The following FAM117B variants were observed in gnomAD, a reference collection of about 807,000 sequenced individuals.
FAM117B encodes the protein family with sequence similarity 117 member B.
Under a neutral mutation model 52.8 loss-of-function variants are expected in FAM117B, and 22 were observed. The ratio of observed to expected loss-of-function variants is 0.42; its 90% CI spans 0.30 to 0.59. The LOEUF (loss-of-function observed/expected upper bound fraction) is 0.59. Among genes scored for constraint, FAM117B ranks in the 20% least tolerant of loss-of-function variants. The pLI, the probability that FAM117B is intolerant of heterozygous loss-of-function variation, is 0.22. For missense variants in FAM117B, 678 were observed against 802.6 expected, an observed-to-expected ratio of 0.84 and a Z score of 1.88; for synonymous variants, 309 against 324.1, an observed-to-expected ratio of 0.95 and a Z score of 0.50.
chr2:202,646,781 G>A (rs1013027983), intron 1 of FAM117B, among the ~76,000 whole-genome samples: 1 of 152,108 alleles, frequency 6.6e-6, no homozygotes, highest in African/African-American at 2.4e-5. Flanking sequence ...AGTGAGTAGT[G>A]AAGTAAAGGA....
At chr2:202,765,193 C>G (rs1691956353) in intron 7 of FAM117B, among the ~76,000 whole-genome samples, 1 of 152,034 alleles carries the variant, frequency 6.6e-6, no homozygotes, top group Non-Finnish European at 1.5e-5. Context: ...ATGGGGCTGT[C>G]AAGGGAACTG....
At chr2:202,711,874 G>A (rs757332066) in intron 2 of FAM117B, among the ~76,000 whole-genome samples, 1 of 151,968 alleles carries the variant, frequency 6.6e-6, no homozygotes, top group Non-Finnish European at 1.5e-5. Context: ...TTTATCTCTG[G>A]ATTCTCTCTT....
chr2:202,660,900 G>A (rs1690118310), intron 1 of FAM117B, among the ~76,000 whole-genome samples: 1 of 152,226 alleles, frequency 6.6e-6, no homozygotes, highest in African/African-American at 2.4e-5. Context: ...ACCAGTACTT[G>A]ACTTGGGCTA....
At chr2:202,645,565 A>G (rs1191738572) in intron 1 of FAM117B, among the ~76,000 whole-genome samples, 1 of 150,616 alleles carries the variant, frequency 6.6e-6, no homozygotes, top group East Asian at 2.0e-4. Flanking sequence ...CTGGGATTAC[A>G]GGCGTGAGTC....
intron 1 of FAM117B, among the ~76,000 whole-genome samples, chr2:202,642,075 T>C (rs1574537462): frequency 6.7e-6 from 1 of 150,290 alleles, no homozygotes; most frequent in South Asian, 2.1e-4. Flanking sequence ...CCTGAGTAGC[T>C]GGACTACAGC....
intron 1 of FAM117B, among the ~76,000 whole-genome samples, chr2:202,661,954 G>A (rs1211027479): frequency 1.3e-5 from 2 of 149,492 alleles, no homozygotes; most frequent in Admixed American, 6.7e-5. Flanking sequence ...ACAATCCCAC[G>A]ATCCCAATAC....
intron 2 of FAM117B, among the ~76,000 whole-genome samples, chr2:202,698,090 C>T (rs1690740644): frequency 1.3e-5 from 2 of 152,236 alleles, no homozygotes; most frequent in South Asian, 2.1e-4. Flanking sequence ...ATGCTTATCT[C>T]GAACTCCTGA....
chr2:202,659,685 G>A (rs1192743839), intron 1 of FAM117B, among the ~76,000 whole-genome samples: 2 of 141,446 alleles, frequency 1.4e-5, no homozygotes, highest in Non-Finnish European at 3.0e-5. Context: ...TGCGATCTTG[G>A]CTCACTGCAA....
chr2:202,641,947 CTT>C (rs758973320), intron 1 of FAM117B, among the ~76,000 whole-genome samples: 49 of 125,312 alleles, frequency 3.9e-4, no homozygotes, highest in Non-Finnish European at 3.8e-4. Flanking sequence ...CAGATATTTT[CTT>C]TTTTTTTTTT....
intron 2 of FAM117B, among the ~76,000 whole-genome samples, chr2:202,724,650 T>C (rs906970662): frequency 6.6e-6 from 1 of 152,194 alleles, no homozygotes; most frequent in Non-Finnish European, 1.5e-5. Context: ...TTAACTTTGT[T>C]CCATAAATGC....
chr2:202,655,281 G>C (rs1169339078), intron 1 of FAM117B, among the ~76,000 whole-genome samples: 1 of 152,106 alleles, frequency 6.6e-6, no homozygotes, highest in Non-Finnish European at 1.5e-5. Context: ...TAGTTGAAGG[G>C]TATTGGGGAG....
chr2:202,666,455 G>A (rs1180286844), intron 1 of FAM117B, among the ~76,000 whole-genome samples: 1 of 151,698 alleles, frequency 6.6e-6, no homozygotes, highest in East Asian at 1.9e-4. Flanking sequence ...GAGGATGGCA[G>A]ACAGAAGGCT....
intron 1 of FAM117B, among the ~76,000 whole-genome samples, chr2:202,672,138 C>G (rs1404925012): frequency 2.0e-5 from 3 of 152,166 alleles, no homozygotes; most frequent in Non-Finnish European, 4.4e-5. Flanking sequence ...GTCTTCAAGT[C>G]CTGTAAAAAT....
At chr2:202,693,857 G>T (rs1159067638) in intron 1 of FAM117B, among the ~76,000 whole-genome samples, 1 of 152,002 alleles carries the variant, frequency 6.6e-6, no homozygotes, top group Non-Finnish European at 1.5e-5. Context: ...GCAATTCATT[G>T]TTATGTGCTC....
In FAM117B at chr2:202,715,151, C is replaced by T. The variant is rs546773833; in HGVS notation, c.754-9766C>T. ...CCACCTCCCGGACGGGGCGGCTGGC[C>T]GGGCAGGGGCTGACCCCCCACCTCC... On this transcript the variant is annotated intron_variant, in intron 2 of 7. Coordinates refer to ENST00000392238, the MANE Select transcript of FAM117B (RefSeq NM_173511.4). Among the ~76,000 whole-genome samples the T allele has an allele frequency of 3.7e-3, 545 of 148,958 alleles. 2 individuals are homozygous for T. The highest frequency in any genetic ancestry group is 6.8e-3 in the Non-Finnish European group (455 of 67,234).
chr2:202,750,416 G>A (rs1404927051), intron 4 of FAM117B, among the ~76,000 whole-genome samples: 7 of 152,146 alleles, frequency 4.6e-5, no homozygotes, highest in Admixed American at 4.6e-4. Context: ...GGGAGGCTGA[G>A]GTGGGAGGAT....
At chr2:202,655,077 A>AAATT (rs151243137) in intron 1 of FAM117B, among the ~76,000 whole-genome samples, 13,597 of 152,098 alleles carry the variant, frequency 0.089, 2,036 homozygotes, top group African/African-American at 0.31. Context: ...TAAGAAGGAA[A>AAATT]AATTATTTGG....
In FAM117B at chr2:202,765,753, G is replaced by T. The variant is rs1472615037; in HGVS notation, c.1759G>T (p.Ala587Ser). The change falls in exon 8 of 8, where the codon GCT becomes TCT. Residue 587 changes from alanine to serine, a missense_variant. Physicochemically the swap from Ala to Ser is moderately conservative, Grantham distance 99 (BLOSUM62 1). Around this residue, in one of 3 missense-constraint regions of FAM117B, gnomAD observed 68 missense variants for 80.6 expected, o/e 0.84. Transcript: ENST00000392238. ...CCCACCACCAGAACCAATTGAGGAAGCTGAAGGATAGGTCACAGTGCAACG... is the reference window on the plus strand; with the variant it reads ...CCCACCACCAGAACCAATTGAGGAATCTGAAGGATAGGTCACAGTGCAACG... ...LLPPPEPIEE[A>S]EG The T allele has an allele frequency of 2.2e-5, 35 of 1,614,000 alleles. No homozygotes were observed. The highest frequency in any genetic ancestry group is 3.0e-5 in the Non-Finnish European group (35 of 1,179,910).
intron 1 of FAM117B, among the ~76,000 whole-genome samples, chr2:202,690,307 A>G (rs1170079593): frequency 6.6e-6 from 1 of 152,230 alleles, no homozygotes; most frequent in Non-Finnish European, 1.5e-5. Flanking sequence ...AATGATAGTA[A>G]CATTGGAAGT....
Sources: gnomAD v4.1 joint callset for allele counts (sites outside exome capture counted in the v4.1 genomes callset) on GRCh38, gnomAD v4.1.1 for gene constraint, gnomAD v4.1.1 regional missense constraint, MANE v1.5 for transcripts, NCBI Gene and HGNC (gene_info 2026-07-23, HGNC 2026-07-21) for gene names.